MLANA: variants seen among roughly 807,000 people sequenced by gnomAD.
The protein encoded by MLANA is melan-A, also known as melanoma antigen recognized by T-cells 1.
MLANA carries 21 observed loss-of-function variants against 15.7 expected under a neutral mutation model. That is an observed-to-expected ratio of 1.33 (90% confidence interval 0.95 to 1.92). The LOEUF (loss-of-function observed/expected upper bound fraction) is 1.92, where lower values mean the gene tolerates loss of function less well. Ranked by LOEUF, MLANA falls within the 40% of genes most tolerant of loss-of-function variation. MLANA has a pLI of 0.00. For synonymous variants in MLANA, 56 were observed against 51.5 expected (o/e 1.09, Z -0.37); for missense variants, 164 against 143.8 (o/e 1.14, Z -0.72).
chr9:5,897,732 G>C, intron 3 of MLANA, 79 bp downstream of exon 3: 3 of 1,215,824 alleles, frequency 2.5e-6, no homozygotes, highest in Middle Eastern at 1.9e-4. Context: ...TCTCTGGAGA[G>C]TCAGATAATT....
intron 3 of MLANA, among the ~76,000 whole-genome samples, chr9:5,906,416 G>A (rs1832819071): frequency 1.3e-5 from 2 of 151,766 alleles, no homozygotes; most frequent in Admixed American, 1.3e-4. Context: ...CTTCCTTTAT[G>A]TAGGTACAAG....
chr9:5,904,840 C>G lies in MLANA; in HGVS notation c.175-2045C>G, dbSNP rs577729359. 3.3e-5 allele frequency among the ~76,000 whole-genome samples: 5 copies of G among 150,770 alleles called. No homozygotes were observed. In the South Asian group the frequency reaches 1.0e-3, roughly 32 times the overall value. Reference sequence around the variant, plus strand: ...CCAGGCTGGAGTGCAGTGGTATGATCTGGGCTCACTGCAAGCTCTGCCTCC... The same window carrying G: ...CCAGGCTGGAGTGCAGTGGTATGATGTGGGCTCACTGCAAGCTCTGCCTCC... On this transcript the variant is annotated intron_variant, in intron 3 of 4. Coordinates refer to ENST00000381477, the MANE Select transcript of MLANA (RefSeq NM_005511.2).
At chr9:5,891,690 G>A (rs1484764005) in intron 1 of MLANA, among the ~76,000 whole-genome samples, 1 of 152,006 alleles carries the variant, frequency 6.6e-6, no homozygotes, top group African/African-American at 2.4e-5. Flanking sequence ...ATTTTTTGTT[G>A]TTCATTTGTA....
intron 3 of MLANA, among the ~76,000 whole-genome samples, chr9:5,902,355 G>A (rs1414529524): frequency 6.6e-6 from 1 of 151,996 alleles, no homozygotes; most frequent in Non-Finnish European, 1.5e-5. Flanking sequence ...AGTAGTTTGT[G>A]CCTTTTTATT....
chr9:5,903,637 T>G (rs1445840398), intron 3 of MLANA, among the ~76,000 whole-genome samples: 1 of 152,212 alleles, frequency 6.6e-6, no homozygotes, highest in African/African-American at 2.4e-5. Flanking sequence ...CTATTTTTCC[T>G]TGCAGTTCTA....
intron 3 of MLANA, among the ~76,000 whole-genome samples, chr9:5,900,757 T>G (rs1832360021): frequency 6.6e-6 from 1 of 152,244 alleles, no homozygotes; most frequent in Non-Finnish European, 1.5e-5. Context: ...AAAGGCTGCT[T>G]TTTGTAGCAA....
At chr9:5,891,711 T>C (rs990808417) in intron 1 of MLANA, among the ~76,000 whole-genome samples, 33 of 152,084 alleles carry the variant, frequency 2.2e-4, no homozygotes, top group African/African-American at 8.0e-4. Context: ...TGTGTTATAG[T>C]TAGAAAAAAA....
Position 5,908,940 on chromosome 9 carries a change from G to T in MLANA, c.*232G>T. 1 of 502,394 alleles carries T rather than the reference G, an allele frequency of 2.0e-6. No individual in the cohort carries two copies. The highest frequency in any genetic ancestry group is 3.5e-6 in the Non-Finnish European group (1 of 284,754). The allele number at this position is 502,394 out of a possible 1,614,324, so 31.1% of individuals were successfully genotyped here. On this transcript the variant is annotated 3_prime_UTR_variant, in exon 5 of 5. Coordinates refer to ENST00000381477, the MANE Select transcript of MLANA (RefSeq NM_005511.2). ...TCCATCAATAAATGTTGCAATGCAT[G>T]ATACTATCTGTGCCAGAGGTAATGT...
intron 2 of MLANA, 37 bp downstream of exon 2, chr9:5,892,588 T>G (rs1831726454): frequency 6.3e-7 from 1 of 1,584,092 alleles, no homozygotes; most frequent in African/African-American, 1.4e-5. Context: ...GCTTCCAGTT[T>G]GCCGTTTGCT....
At position 5,908,869 on chromosome 9, in the gene MLANA, T is replaced by C. The variant is rs898304379; in HGVS notation, c.*161T>C. On this transcript the variant is annotated 3_prime_UTR_variant, in exon 5 of 5. Transcript: ENST00000381477. ...AAAATTTTAGTAGGTCCGCTAGCAG[T>C]ACTAATCATGTGAGGAAATGATGAG... The C allele has an allele frequency of 3.3e-5, 20 of 613,542 alleles. No individual in the cohort carries two copies. The East Asian group carries it at 5.0e-4, about 15-fold the overall frequency. 38.0% of individuals were successfully genotyped at this position (613,542 alleles called of 1,614,324 possible).
chr9:5,902,268 T>A (rs1485209940), intron 3 of MLANA, among the ~76,000 whole-genome samples: 2 of 152,188 alleles, frequency 1.3e-5, no homozygotes, highest in Non-Finnish European at 2.9e-5. Context: ...TACATTCACC[T>A]AGGTTTTCAA....
intron 2 of MLANA, among the ~76,000 whole-genome samples, chr9:5,895,529 A>G (rs879524259): frequency 3.3e-5 from 5 of 152,226 alleles, no homozygotes; most frequent in African/African-American, 4.8e-5. Context: ...ATGATGCAAA[A>G]TAAGTTCCCA....
rs768000466 is a variant in MLANA, at chr9:5,908,694, C to G, written c.343C>G (p.Pro115Ala). Residue 115 changes from proline (P) to alanine (A), a missense_variant, in exon 5 of 5, where the codon CCT (proline) becomes GCT (alanine). Physicochemically the swap from Pro to Ala is conservative, Grantham distance 27. Coordinates refer to ENST00000381477, the MANE Select transcript of MLANA (RefSeq NM_005511.2). The part of the protein sequence containing the change: ...EKLSAEQSPP[P>A]YSP ...ACTCTCTGCAGAACAGTCACCACCA[C>G]CTTATTCACCTTAAGAGCCAGCGAG... is the stretch of plus-strand genomic sequence containing the variant. The G allele has an allele frequency of 1.9e-6, 3 of 1,614,024 alleles. No individual in the cohort carries two copies. The highest frequency in any genetic ancestry group is 2.2e-5 in the South Asian group (2 of 91,082).
Position 5,909,819 on chromosome 9 carries a change from T to G in MLANA, c.*1111T>G, listed in dbSNP as rs889418649. ...GAAGAAATCATAAAGGATCAGAGAT[T>G]CTGGAATGGTGTCATTATTTGCATA... On this transcript the variant is annotated 3_prime_UTR_variant, in exon 5 of 5. Coordinates refer to ENST00000381477, the MANE Select transcript of MLANA (RefSeq NM_005511.2). The G allele has an allele frequency of 1.3e-5, 2 of 152,212 alleles. No individual in the cohort carries two copies. The highest frequency in any genetic ancestry group is 4.8e-5 in the African/African-American group (2 of 41,462). 9.4% of individuals were successfully genotyped at this position (152,212 alleles called of 1,614,324 possible).
rs1229404254 is a variant in MLANA at position 5,894,901 on chromosome 9, C to T, written c.77+2350C>T. Reference sequence around the variant, plus strand: ...TGAGGGACAATGGCTTAATAAAGGGCAAAGGGGGTTATGACCACTATCATG... The same window carrying T: ...TGAGGGACAATGGCTTAATAAAGGGTAAAGGGGGTTATGACCACTATCATG... On this transcript the variant is annotated intron_variant, in intron 2 of 4. Transcript: ENST00000381477. The surrounding 1 kb of genome is among the most constrained non-coding windows in gnomAD (Gnocchi z 4.0). Among the ~76,000 whole-genome samples the T allele has an allele frequency of 6.6e-6, 1 of 152,136 alleles. No individual in the cohort carries two copies. Among genetic ancestry groups the T allele is most frequent in the Non-Finnish European group, 1.5e-5 (1 of 68,020 alleles).
At chr9:5,898,460 G>C (rs1398515461) in intron 3 of MLANA, among the ~76,000 whole-genome samples, 3 of 152,142 alleles carry the variant, frequency 2.0e-5, no homozygotes, top group African/African-American at 4.8e-5. Context: ...CCTCTTAAAA[G>C]TCCTACCTCT....
chr9:5,899,600 C>G (rs760840911), intron 3 of MLANA, among the ~76,000 whole-genome samples: 17 of 152,146 alleles, frequency 1.1e-4, no homozygotes, highest in Non-Finnish European at 2.2e-4. Context: ...GATAGAATTC[C>G]TGCTCATACG....
intron 2 of MLANA, among the ~76,000 whole-genome samples, chr9:5,895,503 G>A (rs543869855): frequency 6.6e-6 from 1 of 152,208 alleles, no homozygotes; most frequent in African/African-American, 2.4e-5. Flanking sequence ...TGTGCCAGCA[G>A]GTGGAATGAA....
At chr9:5,895,926 A>G (rs1831984761) in intron 2 of MLANA, among the ~76,000 whole-genome samples, 1 of 152,244 alleles carries the variant, frequency 6.6e-6, no homozygotes, top group South Asian at 2.1e-4. Context: ...GTGTCAAGAT[A>G]TTCAAGTGGA....
Sources: allele counts gnomAD v4.1 joint callset (sites outside exome capture counted in the v4.1 genomes callset), GRCh38; gene constraint gnomAD v4.1.1; non-coding constraint Gnocchi (gnomAD v3.1); transcripts MANE v1.5; gene names NCBI Gene and HGNC (gene_info 2026-07-23, HGNC 2026-07-21).